The following ABCA4 variants were observed in gnomAD, a reference collection of about 807,000 sequenced individuals.
The protein encoded by ABCA4 is retinal-specific phospholipid-transporting ATPase ABCA4.
ABCA4 carries 196 observed loss-of-function variants against 263.7 expected under a neutral mutation model. The ratio of observed to expected loss-of-function variants is 0.74; its 90% confidence interval spans 0.66 to 0.84. The LOEUF (loss-of-function observed/expected upper bound fraction) is 0.84, where lower values mean the gene tolerates loss of function less well. ABCA4 is among the 40% of genes least tolerant of loss of function. The pLI is 0.00. For missense variants in ABCA4, 2,792 were observed against 2,855.1 expected, an observed-to-expected ratio of 0.98 and a Z score of 0.50; for synonymous variants, 1,133 against 1,094.2, an observed-to-expected ratio of 1.04 and a Z score of -0.70.
chr1:94,085,945 C>A lies in ABCA4; in HGVS notation c.769-2504G>T, dbSNP rs4847276. Among the ~76,000 whole-genome samples the A allele has an allele frequency of 3.4e-3, 512 of 152,210 alleles. 9 individuals are homozygous for A. Among genetic ancestry groups the A allele is most frequent in the Admixed American group, 0.03 (452 of 15,278 alleles). On this transcript the variant is annotated intron_variant, in intron 6 of 49. Transcript: ENST00000370225. ...AGATTTAGATGCCCCTTTTTCTATG[C>A]CTCTTGCTCACCCCTGCCCAGCCAC... is the stretch of plus-strand genomic sequence containing the variant.
chr1:94,051,755 A>AC (rs1439838826), intron 16 of ABCA4, 57 bp from the exon 17 acceptor site: 35 of 1,304,538 alleles, frequency 2.7e-5, no homozygotes, highest in Middle Eastern at 3.7e-4. Flanking sequence ...ATCCTACCTT[A>AC]CCGCAGTTCT....
At chr1:94,046,735 T>C (rs1660695432) in intron 19 of ABCA4, among the ~76,000 whole-genome samples, 184 bp downstream of exon 19, 1 of 152,142 alleles carries the variant, frequency 6.6e-6, no homozygotes, top group Non-Finnish European at 1.5e-5. Context: ...GTATTCTACC[T>C]CCCCATCAAG....
intron 23 of ABCA4, among the ~76,000 whole-genome samples, chr1:94,040,856 A>C (rs932639989): frequency 5.3e-5 from 8 of 152,262 alleles, no homozygotes; most frequent in Admixed American, 2.0e-4. Flanking sequence ...ATTCAGGTTT[A>C]ATTAGGGAAT....
chr1:94,046,963 G>A lies in ABCA4; in HGVS notation c.2874C>T (p.Ile958=). 6.2e-7 allele frequency: 1 copy of A among 1,614,160 alleles called. No individual in the cohort carries two copies. Among genetic ancestry groups the A allele is most frequent in the Non-Finnish European group, 8.5e-7 (1 of 1,180,024 alleles). Residue 958 remains isoleucine, a synonymous_variant, in exon 19 of 50, where the codon ATC becomes ATT. Coordinates refer to ENST00000370225, the MANE Select transcript of ABCA4 (RefSeq NM_000350.3). ...CTCCATTGTGGCCCAGGAATGCGGT[G>A]ATCTGGTTCTCGTAGAAGGTGATGT... ...RLNITFYENQ[I]TAFLGHNGAG...
intron 32 of ABCA4, 150 bp downstream of exon 32, chr1:94,023,236 C>T (rs1659947697): frequency 1.5e-6 from 1 of 683,352 alleles, no homozygotes; most frequent in East Asian, 2.7e-5. Flanking sequence ...TGTCCCTAGC[C>T]ACATATTCTT....
rs764200212 is a variant in ABCA4 at position 94,111,539 on chromosome 1, C to A, written c.201G>T (p.Leu67=). The A allele has an allele frequency of 6.2e-7, 1 of 1,614,224 alleles. No homozygotes were observed. The highest frequency in any genetic ancestry group is 2.2e-5 in the East Asian group (1 of 44,874). ...TGCAGAAGATCCCCTGGAGCCACGG[C>A]AGCATTCCTGCTGAGGGCATCGCCT... ...PNKAMPSAGM[L]PWLQGIFCNV... The change falls in exon 3 of 50, where the codon CTG becomes CTT. Residue 67 remains leucine (L), a synonymous_variant. Coordinates refer to ENST00000370225, the MANE Select transcript of ABCA4 (RefSeq NM_000350.3).
In ABCA4 at chr1:94,011,262, C is replaced by T. The variant is rs1659538637; in HGVS notation, c.5584G>A (p.Gly1862Ser). ...QAVTDVYARF[G>S]EEHSANPFHW... Reference sequence around the variant, plus strand: ...TCCATGGGCCTCGGCTACCACCCACCAAACCGGGCATAGACATCTGTCACA... The same window carrying T: ...TCCATGGGCCTCGGCTACCACCCACTAAACCGGGCATAGACATCTGTCACA... The change falls in exon 39 of 50, where the codon GGT becomes AGT. Residue 1862 changes from glycine (G) to serine (S), a missense_variant and splice_region_variant. Physicochemically the swap from Gly to Ser is moderately conservative, Grantham distance 56 (BLOSUM62 0). Coordinates refer to ENST00000370225, the MANE Select transcript of ABCA4 (RefSeq NM_000350.3). 6.2e-7 allele frequency: 1 copy of T among 1,614,060 alleles called. No homozygotes were observed. The highest frequency in any genetic ancestry group is 1.3e-5 in the African/African-American group (1 of 75,028).
At chr1:94,091,879 C>T (rs1242324328) in intron 6 of ABCA4, among the ~76,000 whole-genome samples, 1 of 152,188 alleles carries the variant, frequency 6.6e-6, no homozygotes, top group African/African-American at 2.4e-5. Flanking sequence ...CCTAAGAGGT[C>T]TCTGCTTGGG....
intron 11 of ABCA4, among the ~76,000 whole-genome samples, chr1:94,073,783 C>T (rs1378588172): frequency 6.6e-6 from 1 of 152,086 alleles, no homozygotes; most frequent in Non-Finnish European, 1.5e-5. Flanking sequence ...GAAAACAAGA[C>T]ATTTATGTCA....
At chr1:94,118,623 C>T (rs533947793) in intron 1 of ABCA4, among the ~76,000 whole-genome samples, 3 of 152,140 alleles carry the variant, frequency 2.0e-5, no homozygotes, top group Admixed American at 6.5e-5. Context: ...CATCGGGAGG[C>T]GTGCCAGACA....
chr1:94,046,465 A>AAAG, intron 19 of ABCA4, among the ~76,000 whole-genome samples: 1 of 147,672 alleles, frequency 6.8e-6, no homozygotes, highest in Admixed American at 6.8e-5. Flanking sequence ...CAAAAAAAAA[A>AAAG]AAAAAAAAAA....
rs1263827832 is a variant in ABCA4, at chr1:94,021,278, G to T, written c.4980C>A (p.Pro1660=). The change falls in exon 35 of 50, where the codon CCC becomes CCA. Residue 1660 remains proline (P), a synonymous_variant. Transcript: ENST00000370225. ...EEYGITVISQ[P]LNLTKEQLSE... ...AGAGCTGCTCCTTGGTCAGGTTCAG[G>T]GGTTGGCTAATGACGGTGATTCCAT... 3 of 1,614,080 alleles carry T rather than the reference G, an allele frequency of 1.9e-6. No homozygotes were observed. In the African/African-American group the frequency reaches 4.0e-5, roughly 22 times the overall value.
intron 44 of ABCA4, among the ~76,000 whole-genome samples, chr1:94,003,354 CT>C (rs57286064): frequency 0.15 from 20,747 of 142,508 alleles, 2,403 homozygotes; most frequent in African/African-American, 0.33. Flanking sequence ...ATACAGTCTC[CT>C]TTTTTTTTTT....
intron 6 of ABCA4, among the ~76,000 whole-genome samples, chr1:94,091,562 A>C (rs2101123790): frequency 6.7e-6 from 1 of 150,286 alleles, no homozygotes; most frequent in South Asian, 2.1e-4. Flanking sequence ...TCACAGATCA[A>C]AATGGCAAAC....
chr1:94,017,177 C>T (rs546429719), intron 36 of ABCA4, among the ~76,000 whole-genome samples: 141 of 152,126 alleles, frequency 9.3e-4, no homozygotes, highest in African/African-American at 3.2e-3. Flanking sequence ...TTTGAAGTGC[C>T]TCTACCTGAA....
At chr1:94,028,585 T>G (rs1370037841) in intron 30 of ABCA4, among the ~76,000 whole-genome samples, 3 of 152,108 alleles carry the variant, frequency 2.0e-5, no homozygotes, top group Non-Finnish European at 4.4e-5. Flanking sequence ...AAAACCTAAG[T>G]GGCGAATAAT....
At chr1:94,006,989 A>AT (rs1659406484) in intron 43 of ABCA4, among the ~76,000 whole-genome samples, 1 of 152,200 alleles carries the variant, frequency 6.6e-6, no homozygotes, top group Non-Finnish European at 1.5e-5. Flanking sequence ...GTTTAAACAC[A>AT]TTTTATTACA....
At chr1:94,093,543 C>T (rs1276870160) in intron 6 of ABCA4, among the ~76,000 whole-genome samples, 1 of 152,224 alleles carries the variant, frequency 6.6e-6, no homozygotes, top group Non-Finnish European at 1.5e-5. Flanking sequence ...GAACAAAGGC[C>T]AGGACCCCAG....
chr1:94,022,929 G>A (rs1018972171), intron 32 of ABCA4, among the ~76,000 whole-genome samples: 1 of 152,166 alleles, frequency 6.6e-6, no homozygotes, highest in Non-Finnish European at 1.5e-5. Context: ...CAGGCTCCTA[G>A]AGTCCCACTT....
Sources: allele counts gnomAD v4.1 joint callset (sites outside exome capture counted in the v4.1 genomes callset), GRCh38; gene constraint gnomAD v4.1.1; transcripts MANE v1.5; gene names NCBI Gene and HGNC (gene_info 2026-07-23, HGNC 2026-07-21).